SLCO5A1: variants seen among roughly 807,000 people sequenced by gnomAD.
The protein encoded by SLCO5A1 is solute carrier organic anion transporter family member 5A1.
In SLCO5A1, 39 loss-of-function variants were observed where a neutral mutation model predicts 65.1. The observed-to-expected ratio is 0.60, with a 90% confidence interval of 0.46 to 0.78. SLCO5A1 has a LOEUF of 0.78. Among genes scored for constraint, SLCO5A1 ranks in the 30% least tolerant of loss-of-function variants. The probability of loss-of-function intolerance (pLI) is 0.00; values close to 1 mark genes in which losing one functional copy is unlikely to be tolerated. For missense variants in SLCO5A1, 1,029 were observed against 1,069.4 expected, an observed-to-expected ratio of 0.96 and a Z score of 0.53; for synonymous variants, 438 against 415.7, an observed-to-expected ratio of 1.05 and a Z score of -0.65.
chr8:69,828,345 G>A (rs1821009424), intron 2 of SLCO5A1, among the ~76,000 whole-genome samples: 1 of 151,916 alleles, frequency 6.6e-6, no homozygotes, highest in Admixed American at 6.6e-5. Flanking sequence ...GCTCACGCCT[G>A]TAATCCCAAA....
At chr8:69,679,035 G>C (rs1256310971) in intron 8 of SLCO5A1, among the ~76,000 whole-genome samples, 1 of 152,186 alleles carries the variant, frequency 6.6e-6, no homozygotes, top group African/African-American at 2.4e-5. Context: ...CTGGGGTCCA[G>C]CTTCTCACAG....
Position 69,832,682 on chromosome 8 carries a change from G to A in SLCO5A1, c.-9C>T, listed in dbSNP as rs766264474. ...CCAGTGCCTTCGTCCATGGCGCTTA[G>A]AATTCAGATTTGATAGCTGATGGCA... is the stretch of plus-strand genomic sequence containing the variant. On this transcript the variant is annotated 5_prime_UTR_variant, in exon 2 of 10. Coordinates refer to ENST00000260126, the MANE Select transcript of SLCO5A1 (RefSeq NM_030958.3). This position sits in a 1 kb window ranked among gnomAD's most constrained non-coding sequence, Gnocchi z 4.5. 2.3e-5 allele frequency: 36 copies of A among 1,583,366 alleles called. No homozygotes were observed. Among genetic ancestry groups the A allele is most frequent in the Non-Finnish European group, 3.1e-5 (36 of 1,174,036 alleles).
At chr8:69,796,659 T>C (rs1042501803) in intron 2 of SLCO5A1, among the ~76,000 whole-genome samples, 1 of 151,398 alleles carries the variant, frequency 6.6e-6, no homozygotes, top group Non-Finnish European at 1.5e-5. Flanking sequence ...CATATATACA[T>C]GTATATATAT....
chr8:69,713,310 A>G (rs1005416298), intron 5 of SLCO5A1: 1 of 152,234 alleles, frequency 6.6e-6, no homozygotes, highest in Middle Eastern at 3.2e-3. Flanking sequence ...TGAGACTATC[A>G]ATAATTAAGG....
intron 2 of SLCO5A1, among the ~76,000 whole-genome samples, chr8:69,768,231 C>T (rs539957360): frequency 3.5e-4 from 53 of 152,326 alleles, no homozygotes; most frequent in Admixed American, 3.4e-3. Context: ...GACCTTGCCT[C>T]TTTGGACATG....
intron 2 of SLCO5A1, among the ~76,000 whole-genome samples, chr8:69,825,779 C>T (rs1367836819): frequency 6.6e-6 from 1 of 152,086 alleles, no homozygotes; most frequent in Non-Finnish European, 1.5e-5. Flanking sequence ...GAAAAAACTA[C>T]TTTAAAGTTC....
intron 6 of SLCO5A1, among the ~76,000 whole-genome samples, chr8:69,691,274 C>T (rs926742463): frequency 1.3e-4 from 20 of 152,134 alleles, no homozygotes; most frequent in African/African-American, 4.6e-4. Context: ...TTTGCTAGAG[C>T]TCTCACGATC....
At chr8:69,809,783 A>T (rs1001469656) in intron 2 of SLCO5A1, among the ~76,000 whole-genome samples, 1 of 151,756 alleles carries the variant, frequency 6.6e-6, no homozygotes, top group African/African-American at 2.4e-5. Context: ...AGGAAGGAGT[A>T]CTTTTTTTGC....
rs551486178 is a variant in SLCO5A1, at chr8:69,670,637, C to T, written c.*2232G>A. On this transcript the variant is annotated 3_prime_UTR_variant, in exon 10 of 10. Transcript: ENST00000260126. ...CAGATGGTAATCAGGTAATATGACACCTGAAGATACCTGGCACCTGATCAG... is the reference window on the plus strand; with the variant it reads ...CAGATGGTAATCAGGTAATATGACATCTGAAGATACCTGGCACCTGATCAG... 6.6e-6 allele frequency: 1 copy of T among 152,228 alleles called. No homozygotes were observed. Among genetic ancestry groups the T allele is most frequent in the East Asian group, 1.9e-4 (1 of 5,178 alleles). The allele number at this position is 152,228 out of a possible 1,614,324, so 9.4% of individuals were successfully genotyped here. A position where few individuals can be genotyped will look rare whatever the true frequency, so the allele number is the denominator to read the frequency against.
chr8:69,670,952 T>C lies in SLCO5A1; in HGVS notation c.*1917A>G, dbSNP rs545110423. ...GGCCCCAAAGGAGACACTAGTTCAA[T>C]CAGCAAGGTTTTCTTAATCAGCAAG... is the stretch of plus-strand genomic sequence containing the variant. On this transcript the variant is annotated 3_prime_UTR_variant, in exon 10 of 10. Coordinates refer to ENST00000260126, the MANE Select transcript of SLCO5A1 (RefSeq NM_030958.3). 1 of 152,360 alleles carries C rather than the reference T, an allele frequency of 6.6e-6. No individual in the cohort carries two copies. Among genetic ancestry groups the C allele is most frequent in the East Asian group, 1.9e-4 (1 of 5,186 alleles). 9.4% of individuals were successfully genotyped at this position (152,360 alleles called of 1,614,324 possible).
chr8:69,761,964 C>A, intron 2 of SLCO5A1, 89 bp from the exon 3 acceptor site: 1 of 1,489,568 alleles, frequency 6.7e-7, no homozygotes, highest in East Asian at 2.3e-5. Flanking sequence ...CCACAGACAT[C>A]TCACAGTTCA....
Position 69,831,866 on chromosome 8 carries a change from C to G in SLCO5A1, c.808G>C (p.Ala270Pro). The change falls in exon 2 of 10, where the codon GCG becomes CCG. Residue 270 changes from alanine to proline, a missense_variant. By Grantham distance (27) the Ala-to-Pro change is conservative. Around this residue, in one of 3 missense-constraint regions of SLCO5A1, gnomAD observed 647 missense variants for 647.5 expected, o/e 1.00. Coordinates refer to ENST00000260126, the MANE Select transcript of SLCO5A1 (RefSeq NM_030958.3). ...GAGCCCATTCCAATGAGAATCTGCG[C>G]GCAAATGAATAAAGCCACGTAGACC... ...HWVYVALFICAQILIGMGSTP... is the reference protein window; with the variant it reads ...HWVYVALFICPQILIGMGSTP... 1 of 1,613,716 alleles carries G rather than the reference C, an allele frequency of 6.2e-7. No homozygotes were observed. The highest frequency in any genetic ancestry group is 8.5e-7 in the Non-Finnish European group (1 of 1,179,914).
intron 2 of SLCO5A1, among the ~76,000 whole-genome samples, chr8:69,785,642 G>A (rs1282969715): frequency 6.6e-6 from 1 of 152,152 alleles, no homozygotes; most frequent in Non-Finnish European, 1.5e-5. Context: ...ATGTACCCAA[G>A]TCACAAAACT....
intron 4 of SLCO5A1, among the ~76,000 whole-genome samples, chr8:69,747,583 C>T (rs532956109): frequency 1.3e-5 from 2 of 152,132 alleles, no homozygotes; most frequent in African/African-American, 2.4e-5. Flanking sequence ...AGAGGATGTG[C>T]GTAGCTTATA....
At chr8:69,807,564 T>A (rs544220031) in intron 2 of SLCO5A1, among the ~76,000 whole-genome samples, 1 of 152,238 alleles carries the variant, frequency 6.6e-6, no homozygotes, top group Non-Finnish European at 1.5e-5. Flanking sequence ...TCTACTGCTA[T>A]GAGTTTGACT....
intron 2 of SLCO5A1, among the ~76,000 whole-genome samples, chr8:69,767,449 C>G (rs1236428345): frequency 6.6e-6 from 1 of 152,158 alleles, no homozygotes; most frequent in East Asian, 1.9e-4. Flanking sequence ...ATCTTAGGAC[C>G]TTGAGCAAGT....
intron 6 of SLCO5A1, among the ~76,000 whole-genome samples, chr8:69,690,928 CAGTA>C (rs1182296230): frequency 2.6e-5 from 4 of 152,092 alleles, no homozygotes; most frequent in Admixed American, 2.0e-4. Context: ...TAGTCATAGA[CAGTA>C]AGTAAGTACT....
At chr8:69,833,967 CA>C (rs1269582083) in intron 1 of SLCO5A1, 1 of 152,474 alleles carries the variant, frequency 6.6e-6, no homozygotes, top group Non-Finnish European at 1.5e-5. Context: ...GGCACGCTGT[CA>C]GAGAGCGCGC....
chr8:69,809,563 A>G (rs1044710377), intron 2 of SLCO5A1, among the ~76,000 whole-genome samples: 2 of 152,188 alleles, frequency 1.3e-5, no homozygotes, highest in African/African-American at 4.8e-5. Flanking sequence ...ATTTAAAAGC[A>G]GCTTGGTTAG....
Sources: allele counts gnomAD v4.1 joint callset (sites outside exome capture counted in the v4.1 genomes callset), GRCh38; gene constraint gnomAD v4.1.1; regional missense constraint gnomAD v4.1.1; non-coding constraint Gnocchi (gnomAD v3.1); transcripts MANE v1.5; gene names NCBI Gene and HGNC (gene_info 2026-07-23, HGNC 2026-07-21).